The following SP1 variants were observed in gnomAD, a reference collection of about 807,000 sequenced individuals.
SP1 encodes Sp1 transcription factor, also known as transcription factor Sp1.
A neutral mutation model predicts 66.3 loss-of-function variants in SP1; 6 were observed. That is an observed-to-expected ratio of 0.09 (90% CI 0.05 to 0.18). The LOEUF is 0.18. Among genes scored for constraint, SP1 ranks in the 10% least tolerant of loss-of-function variants. The probability of loss-of-function intolerance (pLI) is 1.00; values close to 1 mark genes in which losing one functional copy is unlikely to be tolerated. For synonymous variants in SP1, 417 were observed against 360.8 expected (o/e 1.16, Z -1.77); for missense variants, 848 against 964.5 (o/e 0.88, Z 1.60).
intron 1 of SP1, 197 bp downstream of exon 1, chr12:53,380,495 C>T (rs1938059586): frequency 2.0e-6 from 1 of 491,852 alleles, no homozygotes; most frequent in East Asian, 4.6e-5. Context: ...GGGGATGGGC[C>T]GCCCGCCCCG....
At position 53,414,574 on chromosome 12, in the gene SP1, T is replaced by C. The variant is rs1239286727; in HGVS notation, c.*3334T>C. On this transcript the variant is annotated 3_prime_UTR_variant, in exon 6 of 6. Coordinates refer to ENST00000327443, the MANE Select transcript of SP1 (RefSeq NM_138473.3). ...CTATGGCTGATTTATTTCTACTATA[T>C]ACATATATATTTTTTGCTTTTGTAT... 6.6e-6 allele frequency: 1 copy of C among 152,658 alleles called. No individual in the cohort carries two copies. Among genetic ancestry groups the C allele is most frequent in the African/African-American group, 2.4e-5 (1 of 41,470 alleles). 9.5% of individuals were successfully genotyped at this position (152,658 alleles called of 1,614,324 possible).
At chr12:53,410,654 C>T (rs569570563) in intron 5 of SP1, among the ~76,000 whole-genome samples, 4 of 152,048 alleles carry the variant, frequency 2.6e-5, no homozygotes, top group South Asian at 2.1e-4. Context: ...TACAGGCGCC[C>T]GCCACCACGC....
At chr12:53,400,781 A>C (rs1938593067) in intron 3 of SP1, among the ~76,000 whole-genome samples, 1 of 74,952 alleles carries the variant, frequency 1.3e-5, no homozygotes, top group African/African-American at 5.3e-5. Context: ...TTTTTTTTTG[A>C]GACAGAGTCT....
At position 53,382,862 on chromosome 12, in the gene SP1, C is replaced by G; in HGVS notation, c.915C>G (p.Ile305Met). 6.2e-7 allele frequency: 1 copy of G among 1,614,204 alleles called. No homozygotes were observed. The highest frequency in any genetic ancestry group is 8.5e-7 in the Non-Finnish European group (1 of 1,180,026). Residue 305 changes from isoleucine to methionine, a missense_variant, in exon 3 of 6, where the codon ATC (isoleucine) becomes ATG (methionine). Coordinates refer to ENST00000327443, the MANE Select transcript of SP1 (RefSeq NM_138473.3). Reference protein sequence around the residue: ...GSQPVTSGTTISSASLVSSQA... With the variant: ...GSQPVTSGTTMSSASLVSSQA... ...AGCCTGTCACCTCAGGGACTACCAT[C>G]AGTTCTGCCAGCTTGGTATCATCAC...
chr12:53,415,404 G>A lies in SP1; in HGVS notation c.*4164G>A, dbSNP rs1938975526. The A allele has an allele frequency of 6.6e-6, 1 of 152,298 alleles. No individual in the cohort carries two copies. Among genetic ancestry groups the A allele is most frequent in the South Asian group, 2.1e-4 (1 of 4,804 alleles). The allele number at this position is 152,298 out of a possible 1,614,324, so 9.4% of individuals were successfully genotyped here. A position where few individuals can be genotyped will look rare whatever the true frequency, so the allele number is the denominator to read the frequency against. Reference sequence around the variant, plus strand: ...TTGGCTCACTTGCCTTAGATCCAAGGCAGGGAAAGGAAAAGAAGGGGGGTC... The same window carrying A: ...TTGGCTCACTTGCCTTAGATCCAAGACAGGGAAAGGAAAAGAAGGGGGGTC... On this transcript the variant is annotated 3_prime_UTR_variant, in exon 6 of 6. Coordinates refer to ENST00000327443, the MANE Select transcript of SP1 (RefSeq NM_138473.3).
At position 53,413,919 on chromosome 12, in the gene SP1, C is replaced by CT. The variant is rs2136924140; in HGVS notation, c.*2680dup. 1 of 152,300 alleles carries CT rather than the reference C, an allele frequency of 6.6e-6. No homozygotes were observed. The highest frequency in any genetic ancestry group is 1.9e-4 in the East Asian group (1 of 5,192). 9.4% of individuals were successfully genotyped at this position (152,300 alleles called of 1,614,324 possible). A position where few individuals can be genotyped will look rare whatever the true frequency, so the allele number is the denominator to read the frequency against. Reference sequence around the variant, plus strand: ...AGCATTACCATGAGTGAATTTATATCTAATTATTTCCACTTGCCCTGTTCT... The same window carrying CT: ...AGCATTACCATGAGTGAATTTATATCTTAATTATTTCCACTTGCCCTGTTCT... On this transcript the variant is annotated 3_prime_UTR_variant, in exon 6 of 6. Coordinates refer to ENST00000327443, the MANE Select transcript of SP1 (RefSeq NM_138473.3).
At chr12:53,404,038 A>T (rs1024368460) in intron 3 of SP1, among the ~76,000 whole-genome samples, 1 of 151,666 alleles carries the variant, frequency 6.6e-6, no homozygotes, top group African/African-American at 2.4e-5. Flanking sequence ...GGGCGTGGTG[A>T]CGGGCGCCTG....
chr12:53,388,936 C>T (rs975347150), intron 3 of SP1, among the ~76,000 whole-genome samples: 5 of 150,884 alleles, frequency 3.3e-5, no homozygotes, highest in African/African-American at 2.4e-5. Flanking sequence ...GCCATGATCA[C>T]GCCACAGCAC....
chr12:53,387,975 GACTC>G (rs1317443640), intron 3 of SP1, among the ~76,000 whole-genome samples: 6 of 151,388 alleles, frequency 4.0e-5, no homozygotes, highest in African/African-American at 1.5e-4. Context: ...GACAGAGCGA[GACTC>G]CGTCTCAAAA....
rs142783432 is a variant in SP1, at chr12:53,404,990, T to C, written c.1676-1595T>C. Among the ~76,000 whole-genome samples the C allele has an allele frequency of 2.3e-3, 355 of 152,188 alleles. 1 individual carries two copies. Among genetic ancestry groups the C allele is most frequent in the African/African-American group, 8.2e-3 (342 of 41,538 alleles). On this transcript the variant is annotated intron_variant, in intron 3 of 5. Coordinates refer to ENST00000327443, the MANE Select transcript of SP1 (RefSeq NM_138473.3). The stretch of plus-strand genomic sequence containing the variant: ...CTAGGATTACAAGCGTACTCCACCA[T>C]ACCCAGCTGATTTTTTTTGTTTTGT...
intron 3 of SP1, among the ~76,000 whole-genome samples, chr12:53,393,580 G>T (rs1479405658): frequency 1.4e-5 from 2 of 147,432 alleles, no homozygotes; most frequent in African/African-American, 2.5e-5. Flanking sequence ...ACCGCATCTG[G>T]ACTGCATTTT....
chr12:53,404,678 A>G (rs547200529), intron 3 of SP1, among the ~76,000 whole-genome samples: 1 of 151,944 alleles, frequency 6.6e-6, no homozygotes. Context: ...ATTTATATAT[A>G]TTTTTTTGAG....
intron 3 of SP1, among the ~76,000 whole-genome samples, chr12:53,391,334 T>C (rs1262998528): frequency 6.6e-6 from 1 of 150,392 alleles, no homozygotes; most frequent in Non-Finnish European, 1.5e-5. Flanking sequence ...ACTTTTTTTT[T>C]TTAAGTAATG....
intron 3 of SP1, among the ~76,000 whole-genome samples, chr12:53,392,442 C>T (rs1323069502): frequency 2.0e-5 from 3 of 147,406 alleles, no homozygotes; most frequent in Admixed American, 6.8e-5. Context: ...CTGCAAGCTC[C>T]GCCTCCCGGG....
intron 3 of SP1, among the ~76,000 whole-genome samples, chr12:53,401,654 A>G (rs1938614209): frequency 6.6e-6 from 1 of 152,060 alleles, no homozygotes; most frequent in African/African-American, 2.4e-5. Context: ...ATATTGGTGT[A>G]TATCTTATTT....
At chr12:53,407,516 G>C (rs1339650975) in intron 4 of SP1, among the ~76,000 whole-genome samples, 1 of 151,854 alleles carries the variant, frequency 6.6e-6, no homozygotes, top group Non-Finnish European at 1.5e-5. Flanking sequence ...AATAGAGACA[G>C]GGTTTCACCT....
intron 3 of SP1, among the ~76,000 whole-genome samples, chr12:53,397,850 G>T (rs1258790687): frequency 6.6e-6 from 1 of 151,988 alleles, no homozygotes; most frequent in Admixed American, 6.6e-5. Context: ...CACTGCGCCC[G>T]ACCGTAGATA....
intron 1 of SP1, 143 bp downstream of exon 1, chr12:53,380,441 G>A: frequency 1.4e-6 from 1 of 712,918 alleles, no homozygotes; most frequent in Non-Finnish European, 2.0e-6. Flanking sequence ...CGGGGCGGAG[G>A]GAAGGGAGGG....
chr12:53,382,089 C>T lies in SP1; in HGVS notation c.163-21C>T, dbSNP rs1348735117. ...CAGCTGGGTGTCACTAACTCCTTTC[C>T]TCTCCCTTATTTTCGGCCAGGAGTC... On this transcript the variant is annotated intron_variant, in intron 2 of 5. Coordinates refer to ENST00000327443, the MANE Select transcript of SP1 (RefSeq NM_138473.3). 3.1e-6 allele frequency: 5 copies of T among 1,610,706 alleles called. No homozygotes were observed. The Admixed American group carries it at 8.3e-5, about 27-fold the overall frequency.
Sources: gnomAD v4.1 joint callset for allele counts (sites outside exome capture counted in the v4.1 genomes callset) on GRCh38, gnomAD v4.1.1 for gene constraint, MANE v1.5 for transcripts, NCBI Gene and HGNC (gene_info 2026-07-23, HGNC 2026-07-21) for gene names.